SLCO5A1: variants seen among roughly 807,000 people sequenced by gnomAD.
The protein encoded by SLCO5A1 is solute carrier organic anion transporter family member 5A1, also known as organic anion transporter polypeptide-related protein 4.
Under a neutral mutation model 65.1 loss-of-function variants are expected in SLCO5A1, and 39 were observed. The ratio of observed to expected loss-of-function variants is 0.60; its 90% CI spans 0.46 to 0.78. SLCO5A1 has a LOEUF of 0.78. Among genes scored for constraint, SLCO5A1 ranks in the 30% least tolerant of loss-of-function variants. SLCO5A1 has a pLI of 0.00. For missense variants in SLCO5A1, 1,029 were observed against 1,069.4 expected (o/e 0.96, Z 0.53); for synonymous variants, 438 against 415.7 (o/e 1.05, Z -0.65).
At chr8:69,819,896 G>A (rs1019031165) in intron 2 of SLCO5A1, among the ~76,000 whole-genome samples, 1 of 152,158 alleles carries the variant, frequency 6.6e-6, no homozygotes, top group Non-Finnish European at 1.5e-5. Context: ...CCGGGAGGTG[G>A]AGGTTGCAGT....
chr8:69,832,512 A>G lies in SLCO5A1; in HGVS notation c.162T>C (p.Ser54=), dbSNP rs1440060190. Residue 54 remains serine, a synonymous_variant, in exon 2 of 10, where the codon AGT becomes AGC. Transcript: ENST00000260126. This position sits in a 1 kb window ranked among gnomAD's most constrained non-coding sequence, Gnocchi z 4.5. The part of the protein sequence containing the change: ...ASCRPSLSPT[S]GDANPAFGCV... ...AGCCAAAGGCCGGGTTGGCGTCTCC[A>G]CTAGTGGGACTGAGGCTTGGCCGGC... The G allele has an allele frequency of 1.2e-6, 2 of 1,609,006 alleles. No individual in the cohort carries two copies. The highest frequency in any genetic ancestry group is 3.4e-5 in the Admixed American group (2 of 58,988).
Position 69,738,148 on chromosome 8 carries a change from A to G in SLCO5A1, c.1315T>C (p.Leu439=). 9 of 1,613,750 alleles carry G rather than the reference A, an allele frequency of 5.6e-6. No individual in the cohort carries two copies. Among genetic ancestry groups the G allele is most frequent in the Non-Finnish European group, 6.8e-6 (8 of 1,179,754 alleles). The change falls in exon 5 of 10, where the codon TTG becomes CTG. Residue 439 remains leucine, a synonymous_variant. Coordinates refer to ENST00000260126, the MANE Select transcript of SLCO5A1 (RefSeq NM_030958.3). The stretch of plus-strand genomic sequence containing the variant: ...ATGGCACTCTCAGCTGTGTATGACA[A>G]ACTCACAAAAAGGAATGTCATGTTG... ...LSNMTFLFVS[L]SYTAESAIVT... is the part of the protein sequence containing the mutation.
intron 5 of SLCO5A1, among the ~76,000 whole-genome samples, chr8:69,713,077 C>T (rs1815346123): frequency 6.6e-6 from 1 of 152,166 alleles, no homozygotes; most frequent in South Asian, 2.1e-4. Context: ...AACTGCCAAG[C>T]CACCAAAGGA....
chr8:69,767,889 C>CAAAAAA (rs746004982), intron 2 of SLCO5A1, among the ~76,000 whole-genome samples: 51 of 34,830 alleles, frequency 1.5e-3, no homozygotes, highest in East Asian at 2.0e-3. Context: ...GACTCCATCT[C>CAAAAAA]AAAAAAAAAA....
intron 2 of SLCO5A1, among the ~76,000 whole-genome samples, chr8:69,790,178 C>G (rs186162848): frequency 2.3e-5 from 3 of 131,066 alleles, no homozygotes; most frequent in African/African-American, 8.9e-5. Context: ...GGCAACAGAG[C>G]GAGACTCCTT....
At chr8:69,723,824 G>A (rs1815946335) in intron 5 of SLCO5A1, among the ~76,000 whole-genome samples, 1 of 150,982 alleles carries the variant, frequency 6.6e-6, no homozygotes, top group Non-Finnish European at 1.5e-5. Context: ...CCAGGACAGG[G>A]TGCAATGGCG....
At chr8:69,729,923 A>G (rs1816259643) in intron 5 of SLCO5A1, among the ~76,000 whole-genome samples, 1 of 152,252 alleles carries the variant, frequency 6.6e-6, no homozygotes, top group Admixed American at 6.5e-5. Context: ...AAGTAGACCA[A>G]TACAATTTGT....
intron 2 of SLCO5A1, among the ~76,000 whole-genome samples, chr8:69,774,165 GA>G (rs1489725528): frequency 6.6e-6 from 1 of 152,220 alleles, no homozygotes; most frequent in Admixed American, 6.5e-5. Context: ...CATGGACTTT[GA>G]ATCTTGGGTA....
At chr8:69,771,138 C>T (rs1818302892) in intron 2 of SLCO5A1, among the ~76,000 whole-genome samples, 1 of 152,100 alleles carries the variant, frequency 6.6e-6, no homozygotes, top group Non-Finnish European at 1.5e-5. Flanking sequence ...GTGCCCACCA[C>T]CACGCCCGGC....
intron 5 of SLCO5A1, among the ~76,000 whole-genome samples, chr8:69,708,202 G>A (rs1293833019): frequency 6.6e-6 from 1 of 152,138 alleles, no homozygotes; most frequent in Non-Finnish European, 1.5e-5. Context: ...CTTGGGCTTT[G>A]GATTCAGAAA....
chr8:69,763,694 ATTT>A (rs1358706883), intron 2 of SLCO5A1, among the ~76,000 whole-genome samples: 1 of 143,430 alleles, frequency 7.0e-6, no homozygotes, highest in African/African-American at 2.5e-5. Context: ...CATTCCTTTA[ATTT>A]TTTATTTTTC....
chr8:69,739,135 C>CA (rs1243967135), intron 4 of SLCO5A1, among the ~76,000 whole-genome samples: 2 of 151,992 alleles, frequency 1.3e-5, no homozygotes, highest in African/African-American at 2.4e-5. Flanking sequence ...AAGCAAGCTG[C>CA]AAAAATAGAT....
At chr8:69,819,274 G>C (rs569630220) in intron 2 of SLCO5A1, among the ~76,000 whole-genome samples, 2 of 151,656 alleles carry the variant, frequency 1.3e-5, no homozygotes, top group Non-Finnish European at 2.9e-5. Flanking sequence ...AAGTATGCAC[G>C]CAGGGAGTGA....
At chr8:69,776,975 G>A (rs116540547) in intron 2 of SLCO5A1, among the ~76,000 whole-genome samples, 2 of 152,164 alleles carry the variant, frequency 1.3e-5, no homozygotes, top group Non-Finnish European at 2.9e-5. Context: ...TGTAAAATTG[G>A]TACAACCACT....
chr8:69,775,396 T>A (rs2130877602), intron 2 of SLCO5A1, among the ~76,000 whole-genome samples: 1 of 152,232 alleles, frequency 6.6e-6, no homozygotes. Flanking sequence ...AACAACAGAT[T>A]GGCACATGTA....
chr8:69,702,509 A>G (rs1814789556), intron 6 of SLCO5A1, among the ~76,000 whole-genome samples: 1 of 120,396 alleles, frequency 8.3e-6, no homozygotes, highest in Non-Finnish European at 2.1e-5. Context: ...CATCTTACAC[A>G]CACACACACA....
intron 6 of SLCO5A1, among the ~76,000 whole-genome samples, chr8:69,684,236 C>G (rs945506519): frequency 2.6e-5 from 4 of 152,122 alleles, no homozygotes; most frequent in Non-Finnish European, 5.9e-5. Context: ...CAATTTTGCC[C>G]CCCCAGGGGA....
At chr8:69,816,627 G>A (rs139502911) in intron 2 of SLCO5A1, among the ~76,000 whole-genome samples, 1 of 152,284 alleles carries the variant, frequency 6.6e-6, no homozygotes, top group African/African-American at 2.4e-5. Context: ...ACACACAGTA[G>A]AACAACTCAA....
At chr8:69,749,537 G>A (rs1427571410) in intron 4 of SLCO5A1, among the ~76,000 whole-genome samples, 1 of 151,924 alleles carries the variant, frequency 6.6e-6, no homozygotes, top group Non-Finnish European at 1.5e-5. Flanking sequence ...AGAATCACTT[G>A]AGCCTTGGAG....
Sources: gnomAD v4.1 joint callset for allele counts (sites outside exome capture counted in the v4.1 genomes callset) on GRCh38, gnomAD v4.1.1 for gene constraint, Gnocchi (gnomAD v3.1) non-coding constraint, MANE v1.5 for transcripts, NCBI Gene and HGNC (gene_info 2026-07-23, HGNC 2026-07-21) for gene names.